PLEKHH1: variants seen among roughly 807,000 people sequenced by gnomAD.
The protein encoded by PLEKHH1 is pleckstrin homology, MyTH4 and FERM domain containing H1.
In PLEKHH1, 104 loss-of-function variants were observed where a neutral mutation model predicts 160.0. That is an observed-to-expected ratio of 0.65 (90% CI 0.55 to 0.76). The LOEUF is 0.76. Among genes scored for constraint, PLEKHH1 ranks in the 30% least tolerant of loss-of-function variants. PLEKHH1 has a pLI of 0.00. For synonymous variants in PLEKHH1, 619 were observed against 678.4 expected (o/e 0.91, Z 1.36); for missense variants, 1,427 against 1,724.1 (o/e 0.83, Z 3.05).
chr14:67,563,142 G>A (rs924207084), intron 7 of PLEKHH1, among the ~76,000 whole-genome samples: 3 of 152,206 alleles, frequency 2.0e-5, no homozygotes, highest in African/African-American at 4.8e-5. Context: ...CATTGAGCTG[G>A]GTGCCCTGCA....
At chr14:67,547,641 G>A (rs2034233288) in intron 2 of PLEKHH1, among the ~76,000 whole-genome samples, 1 of 152,156 alleles carries the variant, frequency 6.6e-6, no homozygotes, top group South Asian at 2.1e-4. Context: ...TGGCTATCCT[G>A]TAGGGTGAGC....
At position 67,541,865 on chromosome 14, in the gene PLEKHH1, A is replaced by G. The variant is rs1170781001; in HGVS notation, c.-3A>G. On this transcript the variant is annotated 5_prime_UTR_variant, in exon 2 of 29. Coordinates refer to ENST00000329153, the MANE Select transcript of PLEKHH1 (RefSeq NM_020715.3). ...CCAGAATAATCCAGAAGTCGATTCC[A>G]TCATGGCAGAACTCAAGGTGGAGGC... 1.1e-5 allele frequency: 18 copies of G among 1,596,290 alleles called. No individual in the cohort carries two copies. The highest frequency in any genetic ancestry group is 9.0e-5 in the East Asian group (4 of 44,278).
Position 67,562,804 on chromosome 14 carries a change from A to G in PLEKHH1, c.1173A>G (p.Arg391=), listed in dbSNP as rs374179359. 128 of 1,613,684 alleles carry G rather than the reference A, an allele frequency of 7.9e-5. No homozygotes were observed. The highest frequency in any genetic ancestry group is 9.7e-5 in the Non-Finnish European group (115 of 1,179,786). Residue 391 remains arginine (R), a synonymous_variant, in exon 7 of 29, where the codon AGA becomes AGG. Transcript: ENST00000329153. ...CCCCAGCAGGGAAGAATGAGGAAAG[A>G]GAGAGCCCAAAGGCCCTTGGAGCTG... ...EPPPAGKNEE[R]ESPKALGAEL...
chr14:67,573,376 A>G lies in PLEKHH1; in HGVS notation c.1829A>G (p.Tyr610Cys). The part of the protein sequence containing the change: ...FVLRQGQIMY[Y>C]KSPSDVIRKP... ...CTGAGACAGGGACAGATTATGTACT[A>G]CAAGTCCCCGGTGAGAGTCTCCCCG... The change falls in exon 12 of 29, where the codon TAC (tyrosine) becomes TGC (cysteine). Residue 610 changes from tyrosine (Y) to cysteine (C), a missense_variant. Around this residue, in one of 6 missense-constraint regions of PLEKHH1, gnomAD observed 831 missense variants for 929.2 expected, o/e 0.89. Transcript: ENST00000329153. This position sits in a 1 kb window ranked among gnomAD's most constrained non-coding sequence, Gnocchi z 4.8. 2 of 1,600,410 alleles carry G rather than the reference A, an allele frequency of 1.2e-6. No homozygotes were observed. Among genetic ancestry groups the G allele is most frequent in the Non-Finnish European group, 1.7e-6 (2 of 1,167,562 alleles).
chr14:67,579,506 A>C (rs1432725393), intron 21 of PLEKHH1, 195 bp downstream of exon 21: 1 of 652,700 alleles, frequency 1.5e-6, no homozygotes, highest in East Asian at 2.8e-5. Context: ...ATTGTTGGTA[A>C]AGGAGGGACC....
intron 26 of PLEKHH1, among the ~76,000 whole-genome samples, chr14:67,584,716 T>G (rs745921763): frequency 5.3e-5 from 8 of 152,222 alleles, no homozygotes; most frequent in Non-Finnish European, 1.0e-4. Context: ...GTGCTGGTTG[T>G]TTGAGGTTAT....
intron 23 of PLEKHH1, 126 bp downstream of exon 23, chr14:67,581,164 C>A: frequency 6.2e-6 from 4 of 648,826 alleles, no homozygotes; most frequent in Non-Finnish European, 1.1e-5. Flanking sequence ...CACTGCCTGG[C>A]AGTCACTAGC....
chr14:67,562,236 A>G lies in PLEKHH1; in HGVS notation c.605A>G (p.Gln202Arg), dbSNP rs375403754. Residue 202 changes from glutamine to arginine, a missense_variant, in exon 7 of 29, where the codon CAG (glutamine) becomes CGG (arginine). Transcript: ENST00000329153. Reference sequence around the variant, plus strand: ...GAGCCGGGAATCCAGCCTATGGGCCAGGACAGTGGCTCCCAGGCCCAGGGT... The same window carrying G: ...GAGCCGGGAATCCAGCCTATGGGCCGGGACAGTGGCTCCCAGGCCCAGGGT... ...PSEPGIQPMG[Q>R]DSGSQAQGLK... 7 of 1,612,384 alleles carry G rather than the reference A, an allele frequency of 4.3e-6. No individual in the cohort carries two copies. Among genetic ancestry groups the G allele is most frequent in the Non-Finnish European group, 5.1e-6 (6 of 1,179,196 alleles).
Position 67,587,544 on chromosome 14 carries a change from T to C in PLEKHH1, c.*309T>C. Reference sequence around the variant, plus strand: ...CCACTGTTACTGAGGGCATCAGTGCTATAAGTTAAGGCTTTCTGCACTGGT... The same window carrying C: ...CCACTGTTACTGAGGGCATCAGTGCCATAAGTTAAGGCTTTCTGCACTGGT... On this transcript the variant is annotated 3_prime_UTR_variant, in exon 29 of 29. Coordinates refer to ENST00000329153, the MANE Select transcript of PLEKHH1 (RefSeq NM_020715.3). 1 of 393,958 alleles carries C rather than the reference T, an allele frequency of 2.5e-6. No individual in the cohort carries two copies. The allele number at this position is 393,958 out of a possible 1,614,324, so 24.4% of individuals were successfully genotyped here.
chr14:67,582,290 G>T lies in PLEKHH1; in HGVS notation c.3426+80G>T. 1.2e-6 allele frequency: 2 copies of T among 1,601,854 alleles called. No individual in the cohort carries two copies. The highest frequency in any genetic ancestry group is 1.7e-6 in the Non-Finnish European group (2 of 1,174,904). ...ACCATGCAGCCTGAAACACAGGAGAGATTCTGCAGATCCTGTGGTGCTCAG... is the reference window on the plus strand; with the variant it reads ...ACCATGCAGCCTGAAACACAGGAGATATTCTGCAGATCCTGTGGTGCTCAG... On this transcript the variant is annotated intron_variant, in intron 24 of 28. Coordinates refer to ENST00000329153, the MANE Select transcript of PLEKHH1 (RefSeq NM_020715.3). The surrounding 1 kb of genome is among the most constrained non-coding windows in gnomAD (Gnocchi z 5.0).
intron 28 of PLEKHH1, chr14:67,586,779 T>C: frequency 7.4e-7 from 1 of 1,359,590 alleles, no homozygotes; most frequent in Non-Finnish European, 9.6e-7. Flanking sequence ...TCCAGATCCC[T>C]TTCTTAAGAA....
In PLEKHH1 at chr14:67,579,837, G is replaced by A. The variant is rs778302536; in HGVS notation, c.3144G>A (p.Ser1048=). The change falls in exon 22 of 29, where the codon TCG becomes TCA. Residue 1048 remains serine, a synonymous_variant. Coordinates refer to ENST00000329153, the MANE Select transcript of PLEKHH1 (RefSeq NM_020715.3). ...TTGCCCTCTTCACGGACGATCCCTC[G>A]GGCAGGGACCTGGAGCACTGCCTGC... ...SGFALFTDDP[S]GRDLEHCLQG... The A allele has an allele frequency of 1.6e-5, 25 of 1,606,854 alleles. No homozygotes were observed. Among genetic ancestry groups the A allele is most frequent in the Middle Eastern group, 1.6e-4 (1 of 6,080 alleles).
In PLEKHH1 at chr14:67,573,249, CTTCATCTA is replaced by C; in HGVS notation, c.1729-26_1729-19del. On this transcript the variant is annotated intron_variant, in intron 11 of 28. Coordinates refer to ENST00000329153, the MANE Select transcript of PLEKHH1 (RefSeq NM_020715.3). This position sits in a 1 kb window ranked among gnomAD's most constrained non-coding sequence, Gnocchi z 4.8. The stretch of plus-strand genomic sequence containing the variant: ...AGGAGCCCTGAGTGATTTCCCCTTT[CTTCATCTA>C]CACCCTTCCACCCCTCAGGAGTCAC... 6.9e-7 allele frequency: 1 copy of C among 1,440,402 alleles called. No individual in the cohort carries two copies. The highest frequency in any genetic ancestry group is 1.1e-5 in the South Asian group (1 of 87,686). The allele number at this position is 1,440,402 out of a possible 1,614,324, so 89.2% of individuals were successfully genotyped here. A position where few individuals can be genotyped will look rare whatever the true frequency, so the allele number is the denominator to read the frequency against.
rs369099465 is a variant in PLEKHH1, at chr14:67,587,226, G to A, written c.4086G>A (p.Thr1362=). The A allele has an allele frequency of 1.4e-5, 23 of 1,613,564 alleles. No homozygotes were observed. Among genetic ancestry groups the A allele is most frequent in the African/African-American group, 8.0e-5 (6 of 74,886 alleles). Residue 1362 remains threonine, a synonymous_variant, in exon 29 of 29, where the codon ACG becomes ACA. Coordinates refer to ENST00000329153, the MANE Select transcript of PLEKHH1 (RefSeq NM_020715.3). The part of the protein sequence containing the change: ...SSVSCATKGP[T]LL ...TTTCCTGTGCTACCAAGGGGCCAAC[G>A]TTGCTGTGAATATTTCTCCTACCCG...
At chr14:67,558,235 A>G (rs2034674472) in intron 4 of PLEKHH1, among the ~76,000 whole-genome samples, 1 of 152,162 alleles carries the variant, frequency 6.6e-6, no homozygotes, top group African/African-American at 2.4e-5. Flanking sequence ...CCAGAATGCC[A>G]TCATTTCCAA....
At chr14:67,533,561 C>T (rs1260598889) in intron 1 of PLEKHH1, 163 bp downstream of exon 1, 1 of 151,884 alleles carries the variant, frequency 6.6e-6, no homozygotes, top group East Asian at 2.0e-4. Flanking sequence ...CGCTGGAGCG[C>T]GGGTCTGGCT....
At chr14:67,572,427 T>G in intron 11 of PLEKHH1, 150 bp downstream of exon 11, 1 of 645,962 alleles carries the variant, frequency 1.5e-6, no homozygotes. Context: ...TGGGGGGGTG[T>G]ACAGTTATGG....
At chr14:67,559,511 G>A in intron 4 of PLEKHH1, 97 bp from the exon 5 acceptor site, 1 of 761,892 alleles carries the variant, frequency 1.3e-6, no homozygotes, top group Non-Finnish European at 2.3e-6. Context: ...CGAGGTCAGT[G>A]GCACGCACAC....
intron 9 of PLEKHH1, chr14:67,571,004 G>GAC (rs2035346821): frequency 6.6e-6 from 1 of 152,136 alleles, no homozygotes; most frequent in Admixed American, 6.6e-5. Flanking sequence ...TTACAGGCAT[G>GAC]AGCCACCATG....
Sources: allele counts gnomAD v4.1 joint callset (sites outside exome capture counted in the v4.1 genomes callset), GRCh38; gene constraint gnomAD v4.1.1; regional missense constraint gnomAD v4.1.1; non-coding constraint Gnocchi (gnomAD v3.1); transcripts MANE v1.5; gene names NCBI Gene and HGNC (gene_info 2026-07-23, HGNC 2026-07-21).